Variants in PSD3 observed in about 807,000 individuals in gnomAD.
The protein encoded by PSD3 is pleckstrin and Sec7 domain containing 3.
A neutral mutation model predicts 105.5 loss-of-function variants in PSD3; 49 were observed. That is an observed-to-expected ratio of 0.46 (90% CI 0.37 to 0.59). The LOEUF (loss-of-function observed/expected upper bound fraction) is 0.59. PSD3 is among the 20% of genes least tolerant of loss of function. The probability of loss-of-function intolerance (pLI) is 0.00; values close to 1 mark genes in which losing one functional copy is unlikely to be tolerated. For synonymous variants in PSD3, 557 were observed against 457.8 expected, an observed-to-expected ratio of 1.22 and a Z score of -2.77; for missense variants, 1,561 against 1,263.8, an observed-to-expected ratio of 1.24 and a Z score of -3.57.
At chr8:19,047,926 T>C (rs1196935718) in intron 1 of PSD3, among the ~76,000 whole-genome samples, 1 of 151,998 alleles carries the variant, frequency 6.6e-6, no homozygotes, top group Non-Finnish European at 1.5e-5. Context: ...CTATTGAGTG[T>C]CTCCTGGCTA....
intron 8 of PSD3, among the ~76,000 whole-genome samples, chr8:18,788,169 C>T (rs335246): frequency 0.96 from 146,118 of 152,236 alleles, 70,309 homozygotes; most frequent in Non-Finnish European, 0.98. Flanking sequence ...ACATCGTGAG[C>T]GAGCAAGCAA....
intron 1 of PSD3, among the ~76,000 whole-genome samples, chr8:19,051,135 G>A (rs796547841): frequency 7.2e-5 from 11 of 152,216 alleles, no homozygotes; most frequent in African/African-American, 2.4e-4. Context: ...AAGACCTTCA[G>A]CATCTCCATG....
intron 4 of PSD3, among the ~76,000 whole-genome samples, chr8:18,817,996 C>T (rs1812356445): frequency 6.6e-6 from 1 of 152,206 alleles, no homozygotes; most frequent in South Asian, 2.1e-4. Flanking sequence ...CTCTGTCGCC[C>T]AGGCTGGAGT....
chr8:18,963,285 A>G lies in PSD3; in HGVS notation c.22-27143T>C, dbSNP rs556894957. The stretch of plus-strand genomic sequence containing the variant: ...CAAGATGAGATTTGGGTGGGGACAC[A>G]GAGCCAAACCATATCACCATATATA... On this transcript the variant is annotated intron_variant, in intron 1 of 15. Coordinates refer to ENST00000327040, the MANE Select transcript of PSD3 (RefSeq NM_015310.4). Among the ~76,000 whole-genome samples the G allele has an allele frequency of 1.8e-3, 267 of 152,298 alleles. 1 individual carries two copies. The highest frequency in any genetic ancestry group is 6.2e-3 in the African/African-American group (256 of 41,558).
chr8:18,893,458 A>C (rs1168707462), intron 2 of PSD3, among the ~76,000 whole-genome samples: 1 of 152,194 alleles, frequency 6.6e-6, no homozygotes, highest in Non-Finnish European at 1.5e-5. Flanking sequence ...CCTTTGGTTA[A>C]ATTAGGTTTG....
intron 12 of PSD3, among the ~76,000 whole-genome samples, chr8:18,587,851 T>C (rs1006199712): frequency 2.0e-5 from 3 of 152,182 alleles, no homozygotes; most frequent in Admixed American, 1.3e-4. Flanking sequence ...TGGGAGGATA[T>C]AAAACCCAAA....
intron 2 of PSD3, among the ~76,000 whole-genome samples, chr8:18,912,866 C>T (rs1820325270): frequency 6.6e-6 from 1 of 152,050 alleles, no homozygotes; most frequent in African/African-American, 2.4e-5. Flanking sequence ...GAAATACACC[C>T]TAAATTTTAG....
At chr8:18,666,282 C>G (rs1799448112) in intron 9 of PSD3, among the ~76,000 whole-genome samples, 1 of 152,194 alleles carries the variant, frequency 6.6e-6, no homozygotes, top group Non-Finnish European at 1.5e-5. Flanking sequence ...AACTCCTGAC[C>G]TCAGGTGATC....
At chr8:18,606,570 T>A (rs1409293339) in intron 11 of PSD3, among the ~76,000 whole-genome samples, 3 of 152,200 alleles carry the variant, frequency 2.0e-5, no homozygotes, top group African/African-American at 7.2e-5. Context: ...TCTTTCCTTC[T>A]TTTTATAAGA....
At chr8:18,698,938 G>A (rs998566132) in intron 9 of PSD3, among the ~76,000 whole-genome samples, 1 of 152,184 alleles carries the variant, frequency 6.6e-6, no homozygotes, top group African/African-American at 2.4e-5. Context: ...ATTAATGAGA[G>A]ATAGTAAATC....
intron 1 of PSD3, among the ~76,000 whole-genome samples, chr8:18,966,206 C>T (rs1378587724): frequency 1.3e-5 from 2 of 152,142 alleles, no homozygotes; most frequent in Non-Finnish European, 2.9e-5. Context: ...CTGTATACCA[C>T]ATACATTCCA....
At chr8:19,074,040 T>A (rs1829365119) in intron 1 of PSD3, among the ~76,000 whole-genome samples, 1 of 152,028 alleles carries the variant, frequency 6.6e-6, no homozygotes, top group African/African-American at 2.4e-5. Context: ...TCCGCCCACC[T>A]CGCCCTCCCA....
chr8:18,590,702 T>C (rs1321018030), intron 12 of PSD3, among the ~76,000 whole-genome samples: 1 of 152,094 alleles, frequency 6.6e-6, no homozygotes, highest in East Asian at 1.9e-4. Context: ...AAAAAGAGTA[T>C]GTCTGAAAGT....
At chr8:18,843,860 T>A (rs1814851663) in intron 4 of PSD3, among the ~76,000 whole-genome samples, 1 of 152,024 alleles carries the variant, frequency 6.6e-6, no homozygotes, top group Non-Finnish European at 1.5e-5. Flanking sequence ...TCTCAATTGA[T>A]CCTGACAATA....
intron 9 of PSD3, among the ~76,000 whole-genome samples, chr8:18,681,806 T>C (rs868600077): frequency 1.6e-4 from 25 of 152,126 alleles, no homozygotes; most frequent in African/African-American, 5.8e-4. Flanking sequence ...CCTAAAAATA[T>C]CTCTTGTGAG....
At chr8:18,638,655 T>A (rs1186573016) in intron 10 of PSD3, among the ~76,000 whole-genome samples, 4 of 152,160 alleles carry the variant, frequency 2.6e-5, no homozygotes, top group Admixed American at 2.6e-4. Context: ...AAAAATCCCA[T>A]GTTAATGAAC....
At chr8:18,651,311 G>T (rs576600310) in intron 10 of PSD3, among the ~76,000 whole-genome samples, 1 of 152,280 alleles carries the variant, frequency 6.6e-6, no homozygotes, top group Non-Finnish European at 1.5e-5. Flanking sequence ...ACATTCTCCG[G>T]TTCTAACACT....
intron 8 of PSD3, among the ~76,000 whole-genome samples, chr8:18,787,914 A>T (rs1259138500): frequency 1.3e-5 from 2 of 152,232 alleles, no homozygotes; most frequent in African/African-American, 4.8e-5. Flanking sequence ...ACTCCAAAAC[A>T]GACAAATTCT....
intron 1 of PSD3, among the ~76,000 whole-genome samples, chr8:19,039,045 C>A (rs73596672): frequency 0.062 from 9,440 of 152,118 alleles, 985 homozygotes; most frequent in African/African-American, 0.22. Flanking sequence ...TCTTAATCCC[C>A]GGCAATTTGA....
Sources: gnomAD v4.1 joint callset for allele counts (sites outside exome capture counted in the v4.1 genomes callset) on GRCh38, gnomAD v4.1.1 for gene constraint, MANE v1.5 for transcripts, NCBI Gene and HGNC (gene_info 2026-07-23, HGNC 2026-07-21) for gene names.